The following PDE1C variants were observed in gnomAD, a reference collection of about 807,000 sequenced individuals.
PDE1C encodes the protein dual specificity calcium/calmodulin-dependent 3',5'-cyclic nucleotide phosphodiesterase 1C.
In PDE1C, 62 loss-of-function variants were observed where a neutral mutation model predicts 93.1. The observed-to-expected ratio is 0.67, with a 90% confidence interval of 0.54 to 0.82. The LOEUF (loss-of-function observed/expected upper bound fraction) is 0.82, where lower values mean the gene tolerates loss of function less well. Among genes scored for constraint, PDE1C ranks in the 40% least tolerant of loss-of-function variants. The pLI is 0.00. For synonymous variants in PDE1C, 325 were observed against 310.1 expected, an observed-to-expected ratio of 1.05 and a Z score of -0.50; for missense variants, 742 against 884.6, an observed-to-expected ratio of 0.84 and a Z score of 2.04.
chr7:31,970,557 T>G (rs1307166543), intron 2 of PDE1C, among the ~76,000 whole-genome samples: 1 of 152,218 alleles, frequency 6.6e-6, no homozygotes, highest in Non-Finnish European at 1.5e-5. Flanking sequence ...TGGTTAAGAA[T>G]TTATTGTAGT....
At chr7:31,768,970 A>G (rs112813481) in intron 17 of PDE1C, among the ~76,000 whole-genome samples, 124 of 151,960 alleles carry the variant, frequency 8.2e-4, no homozygotes, top group African/African-American at 3.0e-3. Flanking sequence ...TAATTTTTGT[A>G]TTTTTAGTAG....
chr7:31,657,996 T>C, the PDE1C span, among the ~76,000 whole-genome samples: 1 of 152,224 alleles, frequency 6.6e-6, no homozygotes, highest in Non-Finnish European at 1.5e-5. Context: ...TTCCATTTAT[T>C]CAAAGCCAAA....
chr7:31,737,295 A>G, the PDE1C span, among the ~76,000 whole-genome samples: 1 of 151,912 alleles, frequency 6.6e-6, no homozygotes, highest in African/African-American at 2.4e-5. Context: ...TCTAATTCTA[A>G]CCATAGCTAT....
At chr7:32,184,769 C>T (rs991297429) in intron 2 of PDE1C, among the ~76,000 whole-genome samples, 32 of 152,194 alleles carry the variant, frequency 2.1e-4, no homozygotes, top group Middle Eastern at 3.4e-3. Context: ...ACGTTGTGCA[C>T]ATGTACCCTA....
chr7:31,649,970 G>A, the PDE1C span, among the ~76,000 whole-genome samples: 68 of 152,228 alleles, frequency 4.5e-4, no homozygotes, highest in East Asian at 9.5e-3. Context: ...GAAGAGTAGG[G>A]GCTCAGTAGA....
intron 1 of PDE1C, among the ~76,000 whole-genome samples, chr7:32,407,462 G>A (rs1018560951): frequency 8.5e-5 from 13 of 152,122 alleles, no homozygotes; most frequent in African/African-American, 3.1e-4. Context: ...TGTCATGTTT[G>A]CCTTCCCCCA....
chr7:31,864,810 C>T, intron 7 of PDE1C, 132 bp downstream of exon 7: 1 of 852,638 alleles, frequency 1.2e-6, no homozygotes, highest in Non-Finnish European at 1.8e-6. Context: ...GGTTAGATTA[C>T]TCCTGGGAAA....
chr7:32,106,681 T>G (rs941294581), intron 3 of PDE1C, among the ~76,000 whole-genome samples: 2 of 152,116 alleles, frequency 1.3e-5, no homozygotes, highest in Non-Finnish European at 1.5e-5. Context: ...TTAGAGGAAA[T>G]TTTATTGCAA....
intron 1 of PDE1C, among the ~76,000 whole-genome samples, chr7:32,256,179 A>G (rs17161090): frequency 0.12 from 17,771 of 152,250 alleles, 1,110 homozygotes; most frequent in East Asian, 0.15. Flanking sequence ...CACAAAAAAA[A>G]TTAATCCTCG....
At chr7:32,026,827 C>T (rs1056092936) in intron 2 of PDE1C, among the ~76,000 whole-genome samples, 2 of 151,560 alleles carry the variant, frequency 1.3e-5, no homozygotes, top group Admixed American at 6.6e-5. Context: ...TAATCCAGCA[C>T]TAAAAATTAA....
At chr7:31,624,406 A>G in the PDE1C span, among the ~76,000 whole-genome samples, 5 of 140,998 alleles carry the variant, frequency 3.5e-5, no homozygotes, top group African/African-American at 1.3e-4. Flanking sequence ...ACAGCATGGT[A>G]CTGGTACCAA....
At chr7:31,867,549 G>T (rs2128848557) in intron 6 of PDE1C, among the ~76,000 whole-genome samples, 1 of 152,232 alleles carries the variant, frequency 6.6e-6, no homozygotes, top group East Asian at 1.9e-4. Flanking sequence ...TGAGCCTGGA[G>T]ACTGGCCCAC....
At chr7:31,966,005 T>C (rs1438962745) in intron 2 of PDE1C, among the ~76,000 whole-genome samples, 2 of 152,112 alleles carry the variant, frequency 1.3e-5, no homozygotes, top group Non-Finnish European at 2.9e-5. Flanking sequence ...TGCAAAAACA[T>C]GCCAAATTGT....
chr7:31,697,254 C>A, the PDE1C span: 1 of 1,060,460 alleles, frequency 9.4e-7, no homozygotes, highest in Non-Finnish European at 1.3e-6. Context: ...GGGGAGAAGC[C>A]ACACTCAGTG....
chr7:31,707,091 A>T, the PDE1C span: 2 of 892,958 alleles, frequency 2.2e-6, no homozygotes, highest in Admixed American at 2.7e-5. Flanking sequence ...GTAACCTTGT[A>T]GACACTAAGA....
the PDE1C span, among the ~76,000 whole-genome samples, chr7:31,622,601 C>G: frequency 1.3e-5 from 2 of 151,736 alleles, no homozygotes; most frequent in African/African-American, 4.8e-5. Flanking sequence ...GGGACACATT[C>G]AAAGCACTGT....
the PDE1C span, among the ~76,000 whole-genome samples, chr7:31,709,141 G>A: frequency 2.0e-5 from 3 of 152,170 alleles, no homozygotes; most frequent in African/African-American, 7.2e-5. Context: ...GAGTACACCT[G>A]TAGCCATGTC....
chr7:32,184,824 C>T (rs983344563), intron 2 of PDE1C, among the ~76,000 whole-genome samples: 3 of 151,956 alleles, frequency 2.0e-5, no homozygotes, highest in African/African-American at 7.2e-5. Flanking sequence ...AAATAAACAA[C>T]TTCTTGGCCG....
At chr7:31,982,553 T>C (rs113050634) in intron 2 of PDE1C, among the ~76,000 whole-genome samples, 1 of 152,278 alleles carries the variant, frequency 6.6e-6, no homozygotes, top group Non-Finnish European at 1.5e-5. Context: ...TTTCCTCTTT[T>C]TTTTTAGCAT....
Sources: gnomAD v4.1 joint callset for allele counts (sites outside exome capture counted in the v4.1 genomes callset) on GRCh38, gnomAD v4.1.1 for gene constraint, MANE v1.5 for transcripts, NCBI Gene and HGNC (gene_info 2026-07-23, HGNC 2026-07-21) for gene names.